The following RSC1A1 variants were observed in gnomAD, a reference collection of about 807,000 sequenced individuals.
RSC1A1 encodes the protein regulator of solute carriers 1.
In RSC1A1, 6 loss-of-function variants were observed where a neutral mutation model predicts 7.7. That is an observed-to-expected ratio of 0.78 (90% CI 0.43 to 1.53). The LOEUF (loss-of-function observed/expected upper bound fraction) is 1.53, where lower values mean the gene tolerates loss of function less well. RSC1A1 is among the 40% of genes most tolerant of loss of function. RSC1A1 has a pLI of 0.01. For synonymous variants in RSC1A1, 250 were observed against 263.0 expected, an observed-to-expected ratio of 0.95 and a Z score of 0.48; for missense variants, 729 against 726.3, an observed-to-expected ratio of 1.00 and a Z score of -0.04.
rs760959968 is a variant in RSC1A1 at position 15,660,462 on chromosome 1, T to C, written c.594T>C (p.Leu198=). ...EYLCNIGDLE[L]PEERQQNQHK... is the part of the protein sequence containing the mutation. ...TTTGTAACATAGGGGACCTTGAGCT[T>C]CCTGAAGAAAGGCAACAGAATCAAC... Residue 198 remains leucine, a synonymous_variant, in exon 1 of 1, where the codon CTT becomes CTC. Transcript: ENST00000345034. 4 of 1,614,070 alleles carry C rather than the reference T, an allele frequency of 2.5e-6. No individual in the cohort carries two copies. The highest frequency in any genetic ancestry group is 3.4e-6 in the Non-Finnish European group (4 of 1,180,008).
Position 15,660,734 on chromosome 1 carries a change from T to C in RSC1A1, c.866T>C (p.Val289Ala), listed in dbSNP as rs1231298791. 3 of 1,613,882 alleles carry C rather than the reference T, an allele frequency of 1.9e-6. No homozygotes were observed. Among genetic ancestry groups the C allele is most frequent in the Middle Eastern group, 1.7e-4 (1 of 6,060 alleles). The change falls in exon 1 of 1, where the codon GTA (valine) becomes GCA (alanine). Residue 289 changes from valine (V) to alanine (A), a missense_variant. By Grantham distance (64) the Val-to-Ala change is moderately conservative. Coordinates refer to ENST00000345034, the MANE Select transcript of RSC1A1 (RefSeq NM_006511.3). ...ACTTTAGATAATCCCTTGATGGAAG[T>C]AGAAACATCAAAATGTAACCCTTCA... ...DLTLDNPLME[V>A]ETSKCNPSSE... is the part of the protein sequence containing the mutation.
Position 15,660,689 on chromosome 1 carries a change from A to G in RSC1A1, c.821A>G (p.Asn274Ser). ...GGCAGGCAGAATGCCAATGTCAAGA[A>G]CATTGGTGCATTGGATCTCACTTTA... ...STGRQNANVK[N>S]IGALDLTLDN... The change falls in exon 1 of 1, where the codon AAC (asparagine) becomes AGC (serine). Residue 274 changes from asparagine (N) to serine (S), a missense_variant. Transcript: ENST00000345034. 1 of 1,614,220 alleles carries G rather than the reference A, an allele frequency of 6.2e-7. No homozygotes were observed. The highest frequency in any genetic ancestry group is 1.1e-5 in the South Asian group (1 of 91,080).
At position 15,660,362 on chromosome 1, in the gene RSC1A1, C is replaced by T. The variant is rs201848262; in HGVS notation, c.494C>T (p.Pro165Leu). 5 of 1,614,004 alleles carry T rather than the reference C, an allele frequency of 3.1e-6. No homozygotes were observed. Among genetic ancestry groups the T allele is most frequent in the Non-Finnish European group, 4.2e-6 (5 of 1,179,988 alleles). ...CAGAACCTGAGTCAAGTGAGTGACC[C>T]TCAGCAGCACGAAGAACCAGGGAAT... ...ENQNLSQVSDPQQHEEPGNEQ... is the reference protein window; with the variant it reads ...ENQNLSQVSDLQQHEEPGNEQ... The change falls in exon 1 of 1, where the codon CCT becomes CTT. Residue 165 changes from proline to leucine, a missense_variant. Pro to Leu is a moderately conservative substitution (Grantham distance 98). Transcript: ENST00000345034.
chr1:15,660,766 A>G lies in RSC1A1; in HGVS notation c.898A>G (p.Ile300Val). ...ATCAAAATGTAACCCTTCATCTGAAATTTTGAATGATTCCATTTCCACTCA... is the reference window on the plus strand; with the variant it reads ...ATCAAAATGTAACCCTTCATCTGAAGTTTTGAATGATTCCATTTCCACTCA... ...ETSKCNPSSE[I>V]LNDSISTQDL... The change falls in exon 1 of 1, where the codon ATT (isoleucine) becomes GTT (valine). Residue 300 changes from isoleucine (I) to valine (V), a missense_variant. By Grantham distance (29) the Ile-to-Val change is conservative. Transcript: ENST00000345034. 6.8e-6 allele frequency: 11 copies of G among 1,613,894 alleles called. No individual in the cohort carries two copies. The highest frequency in any genetic ancestry group is 9.3e-6 in the Non-Finnish European group (11 of 1,179,966).
rs201848262 is a variant in RSC1A1 at position 15,660,362 on chromosome 1, C to G, written c.494C>G (p.Pro165Arg). ...ENQNLSQVSD[P>R]QQHEEPGNEQ... The stretch of plus-strand genomic sequence containing the variant: ...CAGAACCTGAGTCAAGTGAGTGACC[C>G]TCAGCAGCACGAAGAACCAGGGAAT... The change falls in exon 1 of 1, where the codon CCT (proline) becomes CGT (arginine). Residue 165 changes from proline to arginine, a missense_variant. Transcript: ENST00000345034. The G allele has an allele frequency of 2.7e-5, 43 of 1,614,004 alleles. No individual in the cohort carries two copies. In the East Asian group the frequency reaches 9.6e-4, roughly 36 times the overall value.
the RSC1A1 span, chr1:15,660,119 C>CA: frequency 6.2e-7 from 1 of 1,614,210 alleles, no homozygotes; most frequent in Non-Finnish European, 8.5e-7. Flanking sequence ...GCTTCCTCAG[C>CA]AGACCATGCT....
the RSC1A1 span, chr1:15,661,601 AC>A: frequency 6.2e-6 from 10 of 1,614,092 alleles, no homozygotes; most frequent in Non-Finnish European, 7.6e-6. Flanking sequence ...ACAGATATTG[AC>A]CGCATTCTCC....
chr1:15,659,753 T>C lies in RSC1A1; in HGVS notation c.-116T>C. 1 of 1,370,566 alleles carries C rather than the reference T, an allele frequency of 7.3e-7. No homozygotes were observed. Among genetic ancestry groups the C allele is most frequent in the Non-Finnish European group, 9.6e-7 (1 of 1,037,556 alleles). The allele number at this position is 1,370,566 out of a possible 1,614,324, so 84.9% of individuals were successfully genotyped here. A position where few individuals can be genotyped will look rare whatever the true frequency, so the allele number is the denominator to read the frequency against. On this transcript the variant is annotated 5_prime_UTR_variant, in exon 1 of 1. Coordinates refer to ENST00000345034, the MANE Select transcript of RSC1A1 (RefSeq NM_006511.3). The stretch of plus-strand genomic sequence containing the variant: ...TTGAGGACCTTATTTTATTCTACGC[T>C]GTTTAGATTTGTATCCTCTGGTAAT...
chr1:15,661,918 A>G lies in RSC1A1; in HGVS notation c.*196A>G, dbSNP rs554530302. 14 of 773,532 alleles carry G rather than the reference A, an allele frequency of 1.8e-5. No homozygotes were observed. In the East Asian group the frequency reaches 3.0e-4, roughly 17 times the overall value. 47.9% of individuals were successfully genotyped at this position (773,532 alleles called of 1,614,324 possible). ...GATCTTTTGTCTGATGAATTTGTCT[A>G]TCCTACTTGTTAAAATTTAGGCCTT... On this transcript the variant is annotated 3_prime_UTR_variant, in exon 1 of 1. Transcript: ENST00000345034.
At position 15,660,640 on chromosome 1, in the gene RSC1A1, C is replaced by G. The variant is rs373711257; in HGVS notation, c.772C>G (p.Leu258Val). The stretch of plus-strand genomic sequence containing the variant: ...GGAAATCGATACAGCTCAACAGTCC[C>G]TAGTTACTTTGCTTAATTCAACAGG... ...FMEIDTAQQS[L>V]VTLLNSTGRQ... Residue 258 changes from leucine (L) to valine (V), a missense_variant, in exon 1 of 1, where the codon CTA (leucine) becomes GTA (valine). Coordinates refer to ENST00000345034, the MANE Select transcript of RSC1A1 (RefSeq NM_006511.3). The G allele has an allele frequency of 6.8e-6, 11 of 1,614,052 alleles. No individual in the cohort carries two copies. In the African/African-American group the frequency reaches 1.5e-4, roughly 22 times the overall value.
At chr1:15,660,914 GC>G in the RSC1A1 span, 1 of 1,613,802 alleles carries the variant, frequency 6.2e-7, no homozygotes, top group Non-Finnish European at 8.5e-7. Context: ...GAAGAATCTT[GC>G]CCGTCTATAA....
Position 15,660,384 on chromosome 1 carries a change from G to A in RSC1A1, c.516G>A (p.Gly172=), listed in dbSNP as rs1640347887. ...ACCCTCAGCAGCACGAAGAACCAGG[G>A]AATGAACAGTATGAGGTTGCACAAC... The part of the protein sequence containing the change: ...VSDPQQHEEP[G]NEQYEVAQQK... Residue 172 remains glycine (G), a synonymous_variant, in exon 1 of 1, where the codon GGG becomes GGA. Transcript: ENST00000345034. 6.2e-7 allele frequency: 1 copy of A among 1,613,916 alleles called. No individual in the cohort carries two copies. Among genetic ancestry groups the A allele is most frequent in the East Asian group, 2.2e-5 (1 of 44,898 alleles).
rs1640343046 is a variant in RSC1A1, at chr1:15,660,207, T to C, written c.339T>C (p.Ser113=). ...EITVAGNLEK[S]AERSTQGLKF... ...CTGTTGCAGGTAATCTGGAGAAATC[T>C]GCTGAAAGAAGCACCCAGGGCCTCA... Residue 113 remains serine (S), a synonymous_variant, in exon 1 of 1, where the codon TCT becomes TCC. Transcript: ENST00000345034. The C allele has an allele frequency of 6.2e-7, 1 of 1,614,238 alleles. No individual in the cohort carries two copies.
chr1:15,661,031 G>T lies in RSC1A1; in HGVS notation c.1163G>T (p.Gly388Val), dbSNP rs752355438. 3 of 1,614,092 alleles carry T rather than the reference G, an allele frequency of 1.9e-6. No individual in the cohort carries two copies. In the Admixed American group the frequency reaches 5.0e-5, roughly 27 times the overall value. The change falls in exon 1 of 1, where the codon GGC becomes GTC. Residue 388 changes from glycine (G) to valine (V), a missense_variant. Gly to Val is a moderately radical substitution (Grantham distance 109, BLOSUM62 -3). Coordinates refer to ENST00000345034, the MANE Select transcript of RSC1A1 (RefSeq NM_006511.3). ...VICQSETIAE[G>V]QTSIKDLSER... ...TGTCAATCAGAAACCATAGCTGAGG[G>T]CCAAACCAGTATTAAAGACCTTTCT...
chr1:15,661,997 G>A lies in RSC1A1; in HGVS notation c.*275G>A, dbSNP rs773718291. The A allele has an allele frequency of 1.3e-5, 4 of 308,676 alleles. No individual in the cohort carries two copies. The highest frequency in any genetic ancestry group is 2.4e-5 in the Non-Finnish European group (4 of 168,688). 19.1% of individuals were successfully genotyped at this position (308,676 alleles called of 1,614,324 possible). A position where few individuals can be genotyped will look rare whatever the true frequency, so the allele number is the denominator to read the frequency against. On this transcript the variant is annotated 3_prime_UTR_variant, in exon 1 of 1. Transcript: ENST00000345034. ...AGAAGCTTTTTATTCTCATTAAGAT[G>A]TATCCTGGAATAAAATGGATGGTTT...
In RSC1A1 at chr1:15,660,031, G is replaced by T. The variant is rs1640338544; in HGVS notation, c.163G>T (p.Ala55Ser). ...SDRIEPKAVKALKASAEFQLN... is the reference protein window; with the variant it reads ...SDRIEPKAVKSLKASAEFQLN... The stretch of plus-strand genomic sequence containing the variant: ...TCGCATTGAACCTAAAGCTGTGAAG[G>T]CTTTGAAGGCTTCAGCTGAATTCCA... Residue 55 changes from alanine (A) to serine (S), a missense_variant, in exon 1 of 1, where the codon GCT becomes TCT. Physicochemically the swap from Ala to Ser is moderately conservative, Grantham distance 99. Coordinates refer to ENST00000345034, the MANE Select transcript of RSC1A1 (RefSeq NM_006511.3). 1 of 1,614,080 alleles carries T rather than the reference G, an allele frequency of 6.2e-7. No individual in the cohort carries two copies.
chr1:15,660,622 G>T lies in RSC1A1; in HGVS notation c.754G>T (p.Asp252Tyr). The change falls in exon 1 of 1, where the codon GAT becomes TAT. Residue 252 changes from aspartate to tyrosine, a missense_variant. Transcript: ENST00000345034. ...CSNSETFMEI[D>Y]TAQQSLVTLL... The stretch of plus-strand genomic sequence containing the variant: ...AAATTCAGAAACATTTATGGAAATC[G>T]ATACAGCTCAACAGTCCCTAGTTAC... The T allele has an allele frequency of 6.2e-7, 1 of 1,614,132 alleles. No homozygotes were observed.
At position 15,659,864 on chromosome 1, in the gene RSC1A1, TG is replaced by T. The variant is rs780337671; in HGVS notation, c.-2del. Reference sequence around the variant, plus strand: ...AAAAGTGGTAAAGAATCTACCTCACTGGGAATGTCATCATTACCAACTTCAG... The same window carrying T: ...AAAAGTGGTAAAGAATCTACCTCACTGGAATGTCATCATTACCAACTTCAG... On this transcript the variant is annotated 5_prime_UTR_variant, in exon 1 of 1. Coordinates refer to ENST00000345034, the MANE Select transcript of RSC1A1 (RefSeq NM_006511.3). 1.0e-5 allele frequency: 16 copies of T among 1,560,520 alleles called. No homozygotes were observed. The highest frequency in any genetic ancestry group is 8.6e-7 in the Non-Finnish European group (1 of 1,157,654).
At position 15,660,410 on chromosome 1, in the gene RSC1A1, A is replaced by T. The variant is rs1640348668; in HGVS notation, c.542A>T (p.Gln181Leu). ...PGNEQYEVAQQKASHDQEYLC... is the reference protein window; with the variant it reads ...PGNEQYEVAQLKASHDQEYLC... ...AATGAACAGTATGAGGTTGCACAACAAAAAGCTTCACATGACCAAGAATAT... is the reference window on the plus strand; with the variant it reads ...AATGAACAGTATGAGGTTGCACAACTAAAAGCTTCACATGACCAAGAATAT... The change falls in exon 1 of 1, where the codon CAA (glutamine) becomes CTA (leucine). Residue 181 changes from glutamine to leucine, a missense_variant. Coordinates refer to ENST00000345034, the MANE Select transcript of RSC1A1 (RefSeq NM_006511.3). 1.2e-6 allele frequency: 2 copies of T among 1,613,872 alleles called. No homozygotes were observed. Among genetic ancestry groups the T allele is most frequent in the African/African-American group, 1.3e-5 (1 of 74,906 alleles).
Sources: allele counts gnomAD v4.1 joint callset, GRCh38; gene constraint gnomAD v4.1.1; transcripts MANE v1.5; gene names NCBI Gene and HGNC (gene_info 2026-07-23, HGNC 2026-07-21).